The following SLC16A9 variants were observed in gnomAD, a reference collection of about 807,000 sequenced individuals.
SLC16A9 encodes solute carrier family 16 member 9, also known as monocarboxylate transporter 9.
A neutral mutation model predicts 44.3 loss-of-function variants in SLC16A9; 26 were observed. The ratio of observed to expected loss-of-function variants is 0.59; its 90% CI spans 0.43 to 0.81. The LOEUF (loss-of-function observed/expected upper bound fraction) is 0.81. Ranked by LOEUF, SLC16A9 falls within the 40% of genes least tolerant of loss-of-function variation. SLC16A9 has a pLI of 0.00. For missense variants in SLC16A9, 559 were observed against 595.8 expected (o/e 0.94, Z 0.64); for synonymous variants, 230 against 225.1 (o/e 1.02, Z -0.19).
chr10:59,695,777 A>C (rs1232771562), intron 1 of SLC16A9, among the ~76,000 whole-genome samples: 1 of 152,206 alleles, frequency 6.6e-6, no homozygotes, highest in African/African-American at 2.4e-5. Context: ...GAATCTGAAC[A>C]ATGAGAAAAA....
intron 2 of SLC16A9, among the ~76,000 whole-genome samples, chr10:59,678,436 C>A (rs1839906029): frequency 6.6e-6 from 1 of 151,638 alleles, no homozygotes; most frequent in African/African-American, 2.4e-5. Flanking sequence ...ATCTCATATA[C>A]CCTGACTGCC....
chr10:59,691,748 T>G (rs1345151270), intron 1 of SLC16A9, among the ~76,000 whole-genome samples: 1 of 152,214 alleles, frequency 6.6e-6, no homozygotes, highest in East Asian at 1.9e-4. Context: ...GCACCTTCGA[T>G]TATGTTTAGT....
At chr10:59,671,635 A>G (rs1043875280) in intron 3 of SLC16A9, among the ~76,000 whole-genome samples, 1 of 152,198 alleles carries the variant, frequency 6.6e-6, no homozygotes, top group African/African-American at 2.4e-5. Flanking sequence ...AATAAGAGGT[A>G]TCATTCCCTA....
chr10:59,680,459 T>C (rs780300780), intron 2 of SLC16A9, among the ~76,000 whole-genome samples: 6 of 152,240 alleles, frequency 3.9e-5, no homozygotes, highest in Non-Finnish European at 5.9e-5. Flanking sequence ...TCTTTCATCC[T>C]GAATGGTCCC....
intron 4 of SLC16A9, among the ~76,000 whole-genome samples, chr10:59,655,953 A>G (rs1206976027): frequency 6.6e-6 from 1 of 152,210 alleles, no homozygotes; most frequent in Non-Finnish European, 1.5e-5. Flanking sequence ...TCTGCCTTAG[A>G]GTTGTAAGAA....
At chr10:59,693,682 T>G (rs988004707) in intron 1 of SLC16A9, among the ~76,000 whole-genome samples, 70 of 149,018 alleles carry the variant, frequency 4.7e-4, no homozygotes, top group African/African-American at 1.6e-3. Context: ...TGCAGTGGCG[T>G]GATCTCGGCT....
At chr10:59,653,615 A>G (rs1564693346) in intron 5 of SLC16A9, 60 bp downstream of exon 5, 3 of 1,419,636 alleles carry the variant, frequency 2.1e-6, no homozygotes, top group Non-Finnish European at 9.6e-7. Flanking sequence ...GGACCTCTAT[A>G]TCTGGAGATA....
intron 2 of SLC16A9, among the ~76,000 whole-genome samples, chr10:59,680,092 T>C (rs536117644): frequency 6.6e-6 from 1 of 152,258 alleles, no homozygotes; most frequent in Admixed American, 6.5e-5. Flanking sequence ...CCTAGGAATA[T>C]ATGTAATGAG....
intron 1 of SLC16A9, among the ~76,000 whole-genome samples, chr10:59,699,677 A>G (rs369980170): frequency 6.6e-6 from 1 of 150,686 alleles, no homozygotes; most frequent in Admixed American, 6.6e-5. Flanking sequence ...TAATCTCAAT[A>G]TGAAGTATCA....
rs1447085502 is a variant in SLC16A9 at position 59,651,787 on chromosome 10, A to ACACT, written c.*984_*985insAGTG. 1 of 150,932 alleles carries ACACT rather than the reference A, an allele frequency of 6.6e-6. No individual in the cohort carries two copies. The highest frequency in any genetic ancestry group is 1.5e-5 in the Non-Finnish European group (1 of 67,846). The allele number at this position is 150,932 out of a possible 1,614,324, so 9.3% of individuals were successfully genotyped here. ...AGCACACACACACACACACACACAC[A>ACACT]CTCACGTTTAATTCTGCCCTTGAAT... On this transcript the variant is annotated 3_prime_UTR_variant, in exon 6 of 6. Transcript: ENST00000395348.
At chr10:59,689,605 T>C (rs907057888) in intron 1 of SLC16A9, among the ~76,000 whole-genome samples, 5 of 152,252 alleles carry the variant, frequency 3.3e-5, no homozygotes, top group African/African-American at 1.2e-4. Context: ...TCAGTCCTAC[T>C]ACGTTGACCT....
chr10:59,677,141 G>A (rs1390767955), intron 2 of SLC16A9, among the ~76,000 whole-genome samples: 1 of 150,392 alleles, frequency 6.6e-6, no homozygotes, highest in Non-Finnish European at 1.5e-5. Context: ...AGTTTTTCCC[G>A]AACTTACCAC....
At chr10:59,699,623 G>T (rs951293487) in intron 1 of SLC16A9, among the ~76,000 whole-genome samples, 2 of 151,958 alleles carry the variant, frequency 1.3e-5, no homozygotes, top group African/African-American at 4.8e-5. Context: ...ATAATTATAT[G>T]AGTTAATTTC....
chr10:59,665,007 T>C (rs1047685362), intron 3 of SLC16A9, among the ~76,000 whole-genome samples: 1 of 152,244 alleles, frequency 6.6e-6, no homozygotes, highest in Non-Finnish European at 1.5e-5. Flanking sequence ...TTTGCTATAC[T>C]ATTCTCCACT....
chr10:59,693,458 G>C (rs1840296481), intron 1 of SLC16A9, among the ~76,000 whole-genome samples: 1 of 152,080 alleles, frequency 6.6e-6, no homozygotes, highest in Admixed American at 6.6e-5. Flanking sequence ...CCACCCTGTT[G>C]TGCTTCTAAA....
chr10:59,653,441 A>AAAAAAAAAAAAAAAAAAAAAAAC (rs1564693235), intron 5 of SLC16A9, among the ~76,000 whole-genome samples: 1 of 147,808 alleles, frequency 6.8e-6, no homozygotes, highest in Non-Finnish European at 1.5e-5. Flanking sequence ...AAAAAAAAAA[A>AAAAAAAAAAAAAAAAAAAAAAAC]AAAAGCAGGC....
intron 1 of SLC16A9, among the ~76,000 whole-genome samples, chr10:59,698,112 T>C (rs74583471): frequency 0.031 from 4,722 of 152,282 alleles, 255 homozygotes; most frequent in African/African-American, 0.11. Flanking sequence ...AAGGAGTAGT[T>C]ACTGGTTACC....
intron 2 of SLC16A9, among the ~76,000 whole-genome samples, chr10:59,681,429 G>GA (rs58987720): frequency 2.2e-5 from 3 of 135,848 alleles, no homozygotes; most frequent in African/African-American, 8.5e-5. Flanking sequence ...ATATGTATAT[G>GA]TATATGATGT....
chr10:59,678,387 GA>G (rs1839905094), intron 2 of SLC16A9, among the ~76,000 whole-genome samples: 1 of 151,414 alleles, frequency 6.6e-6, no homozygotes, highest in African/African-American at 2.4e-5. Context: ...CCTTGAGAAA[GA>G]AAAAGGCACT....
Sources: gnomAD v4.1 joint callset for allele counts (sites outside exome capture counted in the v4.1 genomes callset) on GRCh38, gnomAD v4.1.1 for gene constraint, MANE v1.5 for transcripts, NCBI Gene and HGNC (gene_info 2026-07-23, HGNC 2026-07-21) for gene names.